PCDH11Y: variants seen among roughly 807,000 people sequenced by gnomAD.
PCDH11Y encodes protocadherin 11 Y-linked, also known as protocadherin-11 Y-linked.
For synonymous variants in PCDH11Y, 9 were observed against 83.6 expected (o/e 0.11, Z 4.87); for missense variants, 12 against 224.8 (o/e 0.05, Z 6.05).
At chrY:5,687,751 C>G in intron 4 of PCDH11Y, among the ~76,000 whole-genome samples, 1 of 32,542 alleles carries the variant, frequency 3.1e-5, no homozygotes, top group African/African-American at 1.2e-4. Context: ...TAGAATAAAC[C>G]GTAAGTCAAT....
chrY:5,041,214 C>T (rs1602843152), intron 3 of PCDH11Y, among the ~76,000 whole-genome samples: 1 of 32,421 alleles, frequency 3.1e-5, no homozygotes, highest in Non-Finnish European at 7.5e-5. Context: ...CCCACTAACT[C>T]GTCATCTACC....
At chrY:5,487,685 T>A (rs374521971) in intron 2 of PCDH11Y, among the ~76,000 whole-genome samples, 229 of 33,443 alleles carry the variant, frequency 6.8e-3, no homozygotes, top group African/African-American at 0.023. Flanking sequence ...CTCATATTTG[T>A]AAATGTATGT....
intron 2 of PCDH11Y, among the ~76,000 whole-genome samples, chrY:5,313,302 G>A: frequency 6.0e-5 from 2 of 33,469 alleles, no homozygotes; most frequent in East Asian, 7.9e-4. Context: ...TCTCCCTACT[G>A]TAAAGTACGT....
intron 4 of PCDH11Y, among the ~76,000 whole-genome samples, chrY:5,584,099 T>C: frequency 6.1e-5 from 2 of 32,879 alleles, no homozygotes; most frequent in African/African-American, 2.4e-4. Flanking sequence ...TTGAGGTATG[T>C]TCATCCTATA....
chrY:5,741,796 A>G, exon 5 of PCDH11Y: 1 of 31,179 alleles, frequency 3.2e-5, no homozygotes, highest in African/African-American at 1.2e-4. Flanking sequence ...TTTAGTAAAT[A>G]TGATTTTTAA....
chrY:5,732,567 TTG>T (rs759694978), intron 4 of PCDH11Y, among the ~76,000 whole-genome samples: 4 of 28,066 alleles, frequency 1.4e-4, no homozygotes, highest in Admixed American at 3.2e-4. Flanking sequence ...GTTGTTGTTG[TTG>T]TGTGTGTGTG....
intron 1 of PCDH11Y, among the ~76,000 whole-genome samples, chrY:5,073,415 T>C (rs2052703166): frequency 3.2e-5 from 1 of 30,862 alleles, no homozygotes; most frequent in Non-Finnish European, 7.4e-5. Flanking sequence ...CATTTCTATT[T>C]TCATAAAATT....
At chrY:5,041,855 G>T (rs1290017690) in intron 3 of PCDH11Y, among the ~76,000 whole-genome samples, 1 of 33,223 alleles carries the variant, frequency 3.0e-5, no homozygotes. Flanking sequence ...TTCTCTGATG[G>T]CCAGTGATGA....
chrY:5,478,331 G>C, intron 2 of PCDH11Y, among the ~76,000 whole-genome samples: 2 of 34,056 alleles, frequency 5.9e-5, no homozygotes, highest in Admixed American at 2.6e-4. Flanking sequence ...ATGTGGTTTT[G>C]AGTGAGTTTC....
At chrY:5,066,038 A>G in intron 1 of PCDH11Y, among the ~76,000 whole-genome samples, 1 of 29,243 alleles carries the variant, frequency 3.4e-5, no homozygotes, top group Admixed American at 3.5e-4. Context: ...ACGTACTTGA[A>G]CTTTTTTATT....
intron 4 of PCDH11Y, among the ~76,000 whole-genome samples, chrY:5,627,927 T>C (rs2124703342): frequency 3.3e-4 from 11 of 33,054 alleles, no homozygotes; most frequent in Admixed American, 3.0e-3. Context: ...ACAATATATT[T>C]CTAAATTGCC....
chrY:5,726,363 G>A (rs2053598779), intron 4 of PCDH11Y, among the ~76,000 whole-genome samples: 1 of 31,789 alleles, frequency 3.1e-5, no homozygotes, highest in Non-Finnish European at 7.7e-5. Flanking sequence ...AATGAAATTC[G>A]AAAGCATTAT....
chrY:5,581,420 G>A (rs2053450883), intron 3 of PCDH11Y, among the ~76,000 whole-genome samples: 1 of 33,108 alleles, frequency 3.0e-5, no homozygotes. Context: ...AAACTGGTAT[G>A]TCAGTAGAGG....
chrY:5,046,708 A>C, intron 3 of PCDH11Y, among the ~76,000 whole-genome samples: 1 of 33,143 alleles, frequency 3.0e-5, no homozygotes, highest in Non-Finnish European at 7.5e-5. Flanking sequence ...CCCCTCCCCC[A>C]GCCTCGCTGC....
chrY:5,623,185 G>C (rs1354678978), intron 4 of PCDH11Y: 1 of 31,435 alleles, frequency 3.2e-5, no homozygotes, highest in African/African-American at 2.2e-4. Context: ...GTCTTCATTT[G>C]AATCAAATGC....
At chrY:5,378,727 A>G (rs2053201569) in intron 2 of PCDH11Y, among the ~76,000 whole-genome samples, 2 of 33,506 alleles carry the variant, frequency 6.0e-5, no homozygotes, top group Non-Finnish European at 1.5e-4. Flanking sequence ...GGTAAAGACT[A>G]TATATTTTAA....
At chrY:5,002,561 C>G in intron 1 of PCDH11Y, 1 of 30,755 alleles carries the variant, frequency 3.3e-5, no homozygotes, top group African/African-American at 1.3e-4. Flanking sequence ...CTCTGTGGGT[C>G]TGTGTGTGTG....
intron 3 of PCDH11Y, among the ~76,000 whole-genome samples, chrY:5,049,243 G>C: frequency 3.2e-5 from 1 of 31,648 alleles, no homozygotes; most frequent in African/African-American, 1.3e-4. Context: ...TGTTCTATTC[G>C]TCTATGTGTC....
At chrY:5,118,030 TTATGTATATGTATA>T (rs2052813564) in intron 2 of PCDH11Y, among the ~76,000 whole-genome samples, 2 of 31,935 alleles carry the variant, frequency 6.3e-5, no homozygotes, top group African/African-American at 2.4e-4. Flanking sequence ...TACACGTATA[TTATGTATATGTATA>T]TATGTATATT....
Sources: gnomAD v4.1 joint callset for allele counts (sites outside exome capture counted in the v4.1 genomes callset) on GRCh38, gnomAD v4.1.1 for gene constraint, MANE v1.5 for transcripts, NCBI Gene and HGNC (gene_info 2026-07-23, HGNC 2026-07-21) for gene names.